The following ADAP1 variants were observed in gnomAD, a reference collection of about 807,000 sequenced individuals.
ADAP1 encodes the protein arf-GAP with dual PH domain-containing protein 1.
In ADAP1, 31 loss-of-function variants were observed where a neutral mutation model predicts 54.9. The observed-to-expected ratio is 0.56, with a 90% CI of 0.42 to 0.76. The LOEUF (loss-of-function observed/expected upper bound fraction) is 0.76, where lower values mean the gene tolerates loss of function less well. Among genes scored for constraint, ADAP1 ranks in the 30% least tolerant of loss-of-function variants. The pLI, the probability that ADAP1 is intolerant of heterozygous loss-of-function variation, is 0.00. For synonymous variants in ADAP1, 313 were observed against 202.6 expected (o/e 1.55, Z -4.63); for missense variants, 535 against 512.4 (o/e 1.04, Z -0.42).
At chr7:919,202 C>T (rs1412905107) in intron 4 of ADAP1, among the ~76,000 whole-genome samples, 1 of 152,182 alleles carries the variant, frequency 6.6e-6, no homozygotes, top group Non-Finnish European at 1.5e-5. Flanking sequence ...CGCACCCTCC[C>T]CACCTGCAGC....
intron 2 of ADAP1, among the ~76,000 whole-genome samples, chr7:929,279 G>A (rs1357616667): frequency 2.7e-5 from 4 of 148,006 alleles, no homozygotes; most frequent in Admixed American, 1.3e-4. Context: ...CTGACAGAGC[G>A]AGACTCCATC....
chr7:900,412 G>C lies in ADAP1; in HGVS notation c.732+121C>G, dbSNP rs537625261. On this transcript the variant is annotated intron_variant, in intron 7 of 10. Transcript: ENST00000265846. ...GCAGGCACGTCAGGGTGAGCCCTTG[G>C]CCAGTCCCAGGCCCACCCTAGGGCT... The C allele has an allele frequency of 1.3e-5, 15 of 1,149,396 alleles. No homozygotes were observed. The East Asian group carries it at 3.6e-4, about 28-fold the overall frequency. 71.2% of individuals were successfully genotyped at this position (1,149,396 alleles called of 1,614,324 possible). A position where few individuals can be genotyped will look rare whatever the true frequency, so the allele number is the denominator to read the frequency against.
chr7:954,171 G>A (rs1458164150), intron 1 of ADAP1, among the ~76,000 whole-genome samples: 4 of 151,818 alleles, frequency 2.6e-5, no homozygotes, highest in African/African-American at 9.7e-5. Context: ...GGGGTCCTGG[G>A]GGGGGCCCCC....
chr7:944,903 C>CG (rs971797732), intron 1 of ADAP1, among the ~76,000 whole-genome samples: 79 of 151,784 alleles, frequency 5.2e-4, no homozygotes, highest in Middle Eastern at 6.8e-3. Flanking sequence ...GGGAAGAGCC[C>CG]GGGGGGGTGA....
intron 6 of ADAP1, 42 bp from the exon 7 acceptor site, chr7:900,658 CAGCGCTGGGGTCCCCACAGA>C (rs1483808869): frequency 6.7e-7 from 1 of 1,482,532 alleles, no homozygotes; most frequent in East Asian, 2.5e-5. Flanking sequence ...GAGGAGGCTG[CAGCGCTGGGGTCCCCACAGA>C]GGGGCTGGGG....
chr7:899,046 G>A lies in ADAP1; in HGVS notation c.1083C>T (p.Pro361=), dbSNP rs750722467. The A allele has an allele frequency of 1.9e-6, 3 of 1,608,938 alleles. No homozygotes were observed. The South Asian group carries it at 3.3e-5, about 18-fold the overall frequency. The change falls in exon 10 of 11, where the codon CCC becomes CCT. Residue 361 remains proline (P), a synonymous_variant. Coordinates refer to ENST00000265846, the MANE Select transcript of ADAP1 (RefSeq NM_006869.4). ...CGCCCCCCTCACCTGCGTACTCCTG[G>A]GGCAGCATGGGCCTGTCCACCGCCT... ...FQKAVDRPML[P]QEYAVEAHFK... is the part of the protein sequence containing the mutation.
At chr7:913,857 C>A (rs1583150110) in intron 4 of ADAP1, among the ~76,000 whole-genome samples, 1 of 152,156 alleles carries the variant, frequency 6.6e-6, no homozygotes, top group East Asian at 1.9e-4. Flanking sequence ...ATGGCGGGAA[C>A]CCGGGAGGTG....
rs10243781 is a variant in ADAP1 at position 905,237 on chromosome 7, G to C, written c.389-65C>G. 1.4e-5 allele frequency: 17 copies of C among 1,225,652 alleles called. No individual in the cohort carries two copies. In the African/African-American group the frequency reaches 2.7e-4, roughly 20 times the overall value. 75.9% of individuals were successfully genotyped at this position (1,225,652 alleles called of 1,614,324 possible). ...GGGGGGAGGAAACAAAAGGAGTGAC[G>C]ATGGACAGGACAGAGGGGACATGGG... On this transcript the variant is annotated intron_variant, in intron 4 of 10. Coordinates refer to ENST00000265846, the MANE Select transcript of ADAP1 (RefSeq NM_006869.4).
intron 4 of ADAP1, among the ~76,000 whole-genome samples, chr7:905,817 G>GGAGAAA (rs1562913016): frequency 3.0e-4 from 5 of 16,468 alleles, no homozygotes; most frequent in Non-Finnish European, 4.6e-4. Flanking sequence ...GAAAGGAGAA[G>GGAGAAA]GGAGAAGGGA....
chr7:942,293 G>A (rs1562935865), intron 1 of ADAP1, among the ~76,000 whole-genome samples: 3 of 148,822 alleles, frequency 2.0e-5, no homozygotes. Context: ...GGAGGAGGAA[G>A]AGAGAGGAGG....
At chr7:909,037 G>A (rs1845597408) in intron 4 of ADAP1, among the ~76,000 whole-genome samples, 1 of 152,178 alleles carries the variant, frequency 6.6e-6, no homozygotes, top group African/African-American at 2.4e-5. Flanking sequence ...AAGCGCGCAG[G>A]CCGCGGGGTC....
intron 4 of ADAP1, among the ~76,000 whole-genome samples, chr7:910,013 A>G (rs968803850): frequency 2.6e-5 from 4 of 152,198 alleles, no homozygotes; most frequent in Non-Finnish European, 4.4e-5. Flanking sequence ...GGCTAAGAGC[A>G]GGAAAGACGT....
intron 9 of ADAP1, 24 bp from the exon 10 acceptor site, chr7:899,285 G>A (rs1365566962): frequency 5.0e-6 from 8 of 1,611,358 alleles, no homozygotes; most frequent in Non-Finnish European, 6.8e-6. Flanking sequence ...CCGCACTGGA[G>A]GCGGGGCCAT....
chr7:903,076 T>G (rs184743217), intron 6 of ADAP1, among the ~76,000 whole-genome samples: 67 of 152,092 alleles, frequency 4.4e-4, no homozygotes, highest in Middle Eastern at 3.4e-3. Context: ...AGGAGCGAGA[T>G]CTCCAGGCCG....
Position 906,791 on chromosome 7 carries a change from C to CAG in ADAP1, c.389-1620_389-1619insCT, listed in dbSNP as rs60095382. Among the ~76,000 whole-genome samples, 30 of 28,726 alleles carry CAG rather than the reference C, an allele frequency of 1.0e-3. 1 individual carries two copies. The highest frequency in any genetic ancestry group is 2.3e-3 in the African/African-American group (25 of 10,710). 18.8% of individuals were successfully genotyped at this position (28,726 alleles called of 152,430 possible). On this transcript the variant is annotated intron_variant, in intron 4 of 10. Coordinates refer to ENST00000265846, the MANE Select transcript of ADAP1 (RefSeq NM_006869.4). ...CATGGGGGACAGGGGACACGGGGGA[C>CAG]GGGACAGGGGACATGGGGGGACATG...
At chr7:932,234 T>C (rs1408292830) in intron 2 of ADAP1, among the ~76,000 whole-genome samples, 1 of 152,182 alleles carries the variant, frequency 6.6e-6, no homozygotes. Context: ...ATCAGGGGTT[T>C]CTTGGTAATA....
intron 1 of ADAP1, among the ~76,000 whole-genome samples, chr7:949,123 C>T (rs1847208809): frequency 6.6e-6 from 1 of 152,248 alleles, no homozygotes; most frequent in African/African-American, 2.4e-5. Flanking sequence ...GTCCGGTCTC[C>T]CTGAGCCCCA....
chr7:940,698 A>ATT (rs1846919340), intron 1 of ADAP1, among the ~76,000 whole-genome samples: 1 of 152,180 alleles, frequency 6.6e-6, no homozygotes, highest in Admixed American at 6.5e-5. Context: ...ACTCCTAGGA[A>ATT]TTTACCCAAG....
chr7:898,819 G>C lies in ADAP1; in HGVS notation c.*102C>G, dbSNP rs1562903645. On this transcript the variant is annotated 3_prime_UTR_variant, in exon 11 of 11. Coordinates refer to ENST00000265846, the MANE Select transcript of ADAP1 (RefSeq NM_006869.4). ...CCGCGCCGGGCTGCCCTGAGGAGCA[G>C]GTGGGGCCAGGTGGCCTCAGGACGC... The C allele has an allele frequency of 6.7e-7, 1 of 1,496,076 alleles. No homozygotes were observed. Among genetic ancestry groups the C allele is most frequent in the Admixed American group, 2.0e-5 (1 of 50,886 alleles). 92.7% of individuals were successfully genotyped at this position (1,496,076 alleles called of 1,614,324 possible).
Sources: allele counts gnomAD v4.1 joint callset (sites outside exome capture counted in the v4.1 genomes callset), GRCh38; gene constraint gnomAD v4.1.1; transcripts MANE v1.5; gene names NCBI Gene and HGNC (gene_info 2026-07-23, HGNC 2026-07-21).